PARP8: variants seen among roughly 807,000 people sequenced by gnomAD.
PARP8 encodes the protein poly(ADP-ribose) polymerase family member 8, also known as protein mono-ADP-ribosyltransferase PARP8.
PARP8 carries 51 observed loss-of-function variants against 124.1 expected under a neutral mutation model. The ratio of observed to expected loss-of-function variants is 0.41; its 90% CI spans 0.33 to 0.52. PARP8 has a LOEUF of 0.52. Among genes scored for constraint, PARP8 ranks in the 20% least tolerant of loss-of-function variants. The probability of loss-of-function intolerance (pLI) is 0.21; values close to 1 mark genes in which losing one functional copy is unlikely to be tolerated. For missense variants in PARP8, 860 were observed against 1,018.9 expected (o/e 0.84, Z 2.12); for synonymous variants, 391 against 361.5 (o/e 1.08, Z -0.93).
At chr5:50,771,287 G>A (rs1046602331) in intron 7 of PARP8, among the ~76,000 whole-genome samples, 2 of 152,114 alleles carry the variant, frequency 1.3e-5, no homozygotes, top group Non-Finnish European at 2.9e-5. Context: ...AGCCTCCTGA[G>A]TAGCTGAGAC....
At chr5:50,758,327 T>C (rs1760185971) in intron 3 of PARP8, among the ~76,000 whole-genome samples, 1 of 152,188 alleles carries the variant, frequency 6.6e-6, no homozygotes, top group Admixed American at 6.5e-5. Context: ...ACATCTTTTG[T>C]CTCAAATTTA....
rs554189401 is a variant in PARP8 at position 50,795,149 on chromosome 5, G to C, written c.1160G>C (p.Arg387Pro). 2 of 1,614,154 alleles carry C rather than the reference G, an allele frequency of 1.2e-6. No homozygotes were observed. The highest frequency in any genetic ancestry group is 1.7e-6 in the Non-Finnish European group (2 of 1,180,018). The change falls in exon 12 of 26, where the codon CGA (arginine) becomes CCA (proline). Residue 387 changes from arginine to proline, a missense_variant. Coordinates refer to ENST00000281631, the MANE Select transcript of PARP8 (RefSeq NM_024615.4). Reference protein sequence around the residue: ...LTLKSHRLLTRSCSGDPRCEH... With the variant: ...LTLKSHRLLTPSCSGDPRCEH... ...CTAAAGTCGCATAGACTATTGACTC[G>C]ATCTTGTTCTGGAGATCCACGATGT...
intron 22 of PARP8, among the ~76,000 whole-genome samples, chr5:50,831,532 G>A (rs1175100368): frequency 2.6e-5 from 4 of 152,144 alleles, no homozygotes; most frequent in African/African-American, 7.2e-5. Context: ...GTAAGATACC[G>A]TAGAGATAGG....
At chr5:50,793,597 T>C (rs1742199330) in intron 10 of PARP8, among the ~76,000 whole-genome samples, 1 of 152,208 alleles carries the variant, frequency 6.6e-6, no homozygotes, top group African/African-American at 2.4e-5. Context: ...AAATTTAGTA[T>C]AGTATCTTCA....
chr5:50,694,133 C>G (rs1250081942), intron 2 of PARP8, among the ~76,000 whole-genome samples: 1 of 152,122 alleles, frequency 6.6e-6, no homozygotes, highest in African/African-American at 2.4e-5. Context: ...CTGCAATGAA[C>G]AAGGATCCTT....
At chr5:50,802,805 A>T (rs1201982053) in intron 14 of PARP8, among the ~76,000 whole-genome samples, 1 of 152,218 alleles carries the variant, frequency 6.6e-6, no homozygotes, top group East Asian at 1.9e-4. Flanking sequence ...AAAAAAATCA[A>T]AGTCAAATGT....
At chr5:50,694,612 C>T (rs1267979598) in intron 2 of PARP8, among the ~76,000 whole-genome samples, 1 of 152,062 alleles carries the variant, frequency 6.6e-6, no homozygotes, top group Admixed American at 6.6e-5. Flanking sequence ...TGAGATATTA[C>T]CTTCTAGAAA....
chr5:50,777,203 A>AGT (rs1740132782), intron 7 of PARP8, among the ~76,000 whole-genome samples: 4 of 152,282 alleles, frequency 2.6e-5, no homozygotes, highest in African/African-American at 9.6e-5. Context: ...CGGAGATGGC[A>AGT]GTAGTACCTT....
chr5:50,823,852 T>G (rs1203936222), intron 17 of PARP8, among the ~76,000 whole-genome samples: 1 of 152,210 alleles, frequency 6.6e-6, no homozygotes, highest in African/African-American at 2.4e-5. Flanking sequence ...AACTGGCTCA[T>G]CAATGAATGT....
intron 9 of PARP8, among the ~76,000 whole-genome samples, chr5:50,784,810 A>G (rs1741065609): frequency 6.6e-6 from 1 of 151,912 alleles, no homozygotes; most frequent in African/African-American, 2.4e-5. Flanking sequence ...CACTAATTTT[A>G]GCTATATTTA....
chr5:50,743,611 C>T (rs563228145), intron 2 of PARP8, among the ~76,000 whole-genome samples: 4 of 152,140 alleles, frequency 2.6e-5, no homozygotes, highest in African/African-American at 9.6e-5. Flanking sequence ...CAGGTTTCAA[C>T]TGCTGACTTG....
chr5:50,745,092 T>C (rs1238284407), intron 2 of PARP8: 1 of 231,874 alleles, frequency 4.3e-6, no homozygotes, highest in African/African-American at 2.2e-5. Context: ...CCTTCTGGTA[T>C]ACCACTGAGA....
At chr5:50,786,597 G>A (rs1373590700) in intron 9 of PARP8, among the ~76,000 whole-genome samples, 1 of 151,520 alleles carries the variant, frequency 6.6e-6, no homozygotes, top group African/African-American at 2.4e-5. Flanking sequence ...TGAACTCCTG[G>A]GCTCAAGCAA....
At chr5:50,689,210 T>G (rs1752231750) in intron 2 of PARP8, among the ~76,000 whole-genome samples, 2 of 152,120 alleles carry the variant, frequency 1.3e-5, no homozygotes, top group South Asian at 4.1e-4. Context: ...TTCTCTGTCC[T>G]TTTTTCCACA....
intron 18 of PARP8, among the ~76,000 whole-genome samples, chr5:50,826,038 CTCA>C (rs1245339633): frequency 6.6e-6 from 1 of 151,844 alleles, no homozygotes; most frequent in African/African-American, 2.4e-5. Context: ...TTAAATTTTT[CTCA>C]TTGTTATATT....
chr5:50,719,794 A>G (rs1755690430), intron 2 of PARP8, among the ~76,000 whole-genome samples: 1 of 152,078 alleles, frequency 6.6e-6, no homozygotes, highest in African/African-American at 2.4e-5. Context: ...GAGAAGTTAT[A>G]AAAAGAAATA....
chr5:50,739,110 C>T (rs1359183684), intron 2 of PARP8: 2 of 702,180 alleles, frequency 2.8e-6, no homozygotes, highest in Non-Finnish European at 5.2e-6. Context: ...GTCCCAAGCT[C>T]TACTCTGAAT....
In PARP8 at chr5:50,667,007, T is replaced by TTA; in HGVS notation, c.-88_-87dup. On this transcript the variant is annotated 5_prime_UTR_variant, in exon 1 of 26. The change abolishes the stop of an existing upstream ORF in the 5' untranslated region. Coordinates refer to ENST00000281631, the MANE Select transcript of PARP8 (RefSeq NM_024615.4). The stretch of plus-strand genomic sequence containing the variant: ...CCTGCCTCGGCCAGAGGTTTCATTT[T>TTA]TAACTGAATATTTACGAAAGCTGGA... 1 of 1,583,560 alleles carries TTA rather than the reference T, an allele frequency of 6.3e-7. No individual in the cohort carries two copies. Among genetic ancestry groups the TTA allele is most frequent in the Non-Finnish European group, 8.5e-7 (1 of 1,172,474 alleles).
At chr5:50,749,575 ACAACT>A (rs945085216) in intron 2 of PARP8, among the ~76,000 whole-genome samples, 3 of 152,126 alleles carry the variant, frequency 2.0e-5, no homozygotes, top group African/African-American at 4.8e-5. Context: ...TTATTTTGAA[ACAACT>A]CAATCCTTAT....
Sources: allele counts gnomAD v4.1 joint callset (sites outside exome capture counted in the v4.1 genomes callset), GRCh38; gene constraint gnomAD v4.1.1; transcripts MANE v1.5; gene names NCBI Gene and HGNC (gene_info 2026-07-23, HGNC 2026-07-21).